Variants in OPN4 observed in about 807,000 individuals in gnomAD.
OPN4 encodes opsin 4, also known as melanopsin.
A neutral mutation model predicts 49.5 loss-of-function variants in OPN4; 43 were observed. That is an observed-to-expected ratio of 0.87 (90% CI 0.68 to 1.12). The LOEUF (loss-of-function observed/expected upper bound fraction) is 1.12. Ranked by LOEUF, OPN4 falls within the 50% of genes most tolerant of loss-of-function variation. OPN4 has a pLI of 0.00. For missense variants in OPN4, 657 were observed against 643.9 expected (o/e 1.02, Z -0.22); for synonymous variants, 263 against 258.0 (o/e 1.02, Z -0.19).
Position 86,659,509 on chromosome 10 carries a change from G to A in OPN4, c.800+41G>A, listed in dbSNP as rs36052659. On this transcript the variant is annotated intron_variant, in intron 5 of 9. Coordinates refer to ENST00000241891, the MANE Select transcript of OPN4 (RefSeq NM_033282.4). ...GGAGGGGGGCTACAGGAGGGGGACC[G>A]GCCCCTCGGCCAGGCGGCCCCTGCC... The A allele has an allele frequency of 2.7e-3, 4,324 of 1,596,322 alleles. 104 individuals are homozygous for A. The African/African-American group carries it at 0.051, about 19-fold the overall frequency.
At chr10:86,655,783 A>T (rs1349738821) in intron 1 of OPN4, among the ~76,000 whole-genome samples, 1 of 152,178 alleles carries the variant, frequency 6.6e-6, no homozygotes, top group East Asian at 1.9e-4. Context: ...CTTGGGCTGG[A>T]GTCCATACTG....
chr10:86,660,361 C>T (rs1265099448), intron 6 of OPN4, among the ~76,000 whole-genome samples: 28 of 152,208 alleles, frequency 1.8e-4, no homozygotes, highest in Admixed American at 1.8e-3. Context: ...TCCCTCTCTG[C>T]ATGGGCTGTG....
At position 86,659,468 on chromosome 10, in the gene OPN4, G is replaced by T. The variant is rs772210171; in HGVS notation, c.800G>T (p.Arg267Leu). The stretch of plus-strand genomic sequence containing the variant: ...TTCAGGGCCATCCGGGAGACAGGAC[G>T]GTAAGAGCCGAGCATGGAGGGGGGC... ...FIFRAIRETGRALQTFGACKG... is the reference protein window; with the variant it reads ...FIFRAIRETGLALQTFGACKG... The change falls in exon 5 of 10, where the codon CGG becomes CTG. Residue 267 changes from arginine to leucine, a missense_variant and splice_region_variant. Arg to Leu is a moderately radical substitution (Grantham distance 102). Transcript: ENST00000241891. 1.9e-5 allele frequency: 31 copies of T among 1,613,484 alleles called. 1 individual carries two copies. In the South Asian group the frequency reaches 2.7e-4, roughly 14 times the overall value.
Position 86,658,302 on chromosome 10 carries a change from TA to T in OPN4, c.424+139del, listed in dbSNP as rs2132301637. The T allele has an allele frequency of 3.0e-6, 4 of 1,313,696 alleles. No homozygotes were observed. The East Asian group carries it at 9.4e-5, about 31-fold the overall frequency. The allele number at this position is 1,313,696 out of a possible 1,614,324, so 81.4% of individuals were successfully genotyped here. Reference sequence around the variant, plus strand: ...GGGTAGCTGCCCTCAGTCCTGTGAGTAAGCAAGAAGGGAAGATGCAGTGTTG... The same window carrying T: ...GGGTAGCTGCCCTCAGTCCTGTGAGTAGCAAGAAGGGAAGATGCAGTGTTG... On this transcript the variant is annotated intron_variant, in intron 3 of 9. Coordinates refer to ENST00000241891, the MANE Select transcript of OPN4 (RefSeq NM_033282.4).
rs1382220358 is a variant in OPN4 at position 86,659,315 on chromosome 10, G to T, written c.647G>T (p.Gly216Val). 1 of 1,613,024 alleles carries T rather than the reference G, an allele frequency of 6.2e-7. No homozygotes were observed. Among genetic ancestry groups the T allele is most frequent in the South Asian group, 1.1e-5 (1 of 91,050 alleles). The change falls in exon 5 of 10, where the codon GGG becomes GTG. Residue 216 changes from glycine (G) to valine (V), a missense_variant. Coordinates refer to ENST00000241891, the MANE Select transcript of OPN4 (RefSeq NM_033282.4). Reference sequence around the variant, plus strand: ...CTCCCAGGCGCCTACGTGCCCGAGGGGTTGCTGACATCCTGCTCCTGGGAC... The same window carrying T: ...CTCCCAGGCGCCTACGTGCCCGAGGTGTTGCTGACATCCTGCTCCTGGGAC... ...FFGWSAYVPE[G>V]LLTSCSWDYM...
rs555263596 is a variant in OPN4 at position 86,657,132 on chromosome 10, C to T, written c.290+832C>T. On this transcript the variant is annotated intron_variant, in intron 2 of 9. Transcript: ENST00000241891. ...CACAGCCCCCTGGCTCTCCCACCTG[C>T]CAGCTGAAGGACTGGGCACGTCATT... The T allele has an allele frequency of 1.9e-4, 148 of 773,620 alleles. 1 individual carries two copies. The East Asian group carries it at 3.3e-3, about 17-fold the overall frequency. The allele number at this position is 773,620 out of a possible 1,614,324, so 47.9% of individuals were successfully genotyped here.
At chr10:86,659,122 G>A (rs1488164448) in intron 4 of OPN4, among the ~76,000 whole-genome samples, 175 bp from the exon 5 acceptor site, 1 of 152,202 alleles carries the variant, frequency 6.6e-6, no homozygotes, top group Admixed American at 6.5e-5. Context: ...GGAATGGGAG[G>A]CAGTGGGCTT....
rs143623676 is a variant in OPN4, at chr10:86,663,680, G to A, written c.1276G>A (p.Ala426Thr). 7.1e-6 allele frequency: 11 copies of A among 1,554,812 alleles called. No individual in the cohort carries two copies. The highest frequency in any genetic ancestry group is 1.9e-5 in the Admixed American group (1 of 53,842). The change falls in exon 9 of 10, where the codon GCA becomes ACA. Residue 426 changes from alanine (A) to threonine (T), a missense_variant. By Grantham distance (58) the Ala-to-Thr change is moderately conservative. Coordinates refer to ENST00000241891, the MANE Select transcript of OPN4 (RefSeq NM_033282.4). ...TCAGGGCTGGACACACATGGAGGCA[G>A]CAGCTGTGTGGGGAGCTGCCCAGCA... ...SEVGWTHMEA[A>T]AVWGAAQQAN...
intron 8 of OPN4, 61 bp from the exon 9 acceptor site, chr10:86,663,598 G>T (rs1844070340): frequency 2.1e-6 from 3 of 1,427,334 alleles, no homozygotes; most frequent in African/African-American, 2.9e-5. Context: ...GTGGGGTAAG[G>T]GCAGGAGCAA....
intron 7 of OPN4, among the ~76,000 whole-genome samples, chr10:86,661,766 TGGCAGGA>T (rs1844014213): frequency 4.4e-5 from 6 of 135,656 alleles, no homozygotes; most frequent in African/African-American, 1.7e-4. Flanking sequence ...TCCCAGGGCC[TGGCAGGA>T]GCCTGGGGTG....
At position 86,663,647 on chromosome 10, in the gene OPN4, C is replaced by G. The variant is rs2132309293; in HGVS notation, c.1255-12C>G. 1 of 1,487,068 alleles carries G rather than the reference C, an allele frequency of 6.7e-7. No individual in the cohort carries two copies. Among genetic ancestry groups the G allele is most frequent in the East Asian group, 2.4e-5 (1 of 40,976 alleles). The allele number at this position is 1,487,068 out of a possible 1,614,324, so 92.1% of individuals were successfully genotyped here. On this transcript the variant is annotated splice_polypyrimidine_tract_variant and intron_variant, in intron 8 of 9. Coordinates refer to ENST00000241891, the MANE Select transcript of OPN4 (RefSeq NM_033282.4). Reference sequence around the variant, plus strand: ...CCCTCTCACCTCACAGTCACTCTCTCACCTCCCTCAGGGCTGGACACACAT... The same window carrying G: ...CCCTCTCACCTCACAGTCACTCTCTGACCTCCCTCAGGGCTGGACACACAT...
chr10:86,665,368 G>A (rs112799245), intron 9 of OPN4, among the ~76,000 whole-genome samples: 162 of 152,264 alleles, frequency 1.1e-3, no homozygotes, highest in African/African-American at 3.8e-3. Context: ...GCAGGAAAGG[G>A]ATGACCCATT....
chr10:86,654,606 C>A lies in OPN4; in HGVS notation c.-178C>A, dbSNP rs1373446889. On this transcript the variant is annotated 5_prime_UTR_variant, in exon 1 of 10. Coordinates refer to ENST00000241891, the MANE Select transcript of OPN4 (RefSeq NM_033282.4). ...CGCTTCACCAGACACAGAGCAACCG[C>A]CAGCCCCAAGAGCAGCTCCAGGCTG... 8.8e-6 allele frequency: 7 copies of A among 797,174 alleles called. No homozygotes were observed. The African/African-American group carries it at 1.0e-4, about 12-fold the overall frequency. 49.4% of individuals were successfully genotyped at this position (797,174 alleles called of 1,614,324 possible).
chr10:86,659,979 C>A lies in OPN4; in HGVS notation c.885C>A (p.Ala295=). The change falls in exon 6 of 10, where the codon GCC becomes GCA. Residue 295 remains alanine, a synonymous_variant. Coordinates refer to ENST00000241891, the MANE Select transcript of OPN4 (RefSeq NM_033282.4). ...RQRLQSECKM[A]KIMLLVILLF... is the part of the protein sequence containing the mutation. ...GGCTGCAGAGCGAGTGCAAGATGGC[C>A]AAGATCATGCTGCTGGTCATCCTCC... 6.2e-7 allele frequency: 1 copy of A among 1,614,222 alleles called. No individual in the cohort carries two copies. The highest frequency in any genetic ancestry group is 1.1e-5 in the South Asian group (1 of 91,086).
rs763365909 is a variant in OPN4, at chr10:86,658,116, T to C, written c.375T>C (p.Pro125=). 1.2e-6 allele frequency: 2 copies of C among 1,613,992 alleles called. No individual in the cohort carries two copies. The highest frequency in any genetic ancestry group is 2.7e-5 in the African/African-American group (2 of 74,926). The part of the protein sequence containing the change: ...SDFLMSFTQA[P]VFFTSSLYKQ... ...TCCTCATGTCCTTCACCCAGGCCCC[T>C]GTCTTCTTCACCAGTAGCCTCTATA... The change falls in exon 3 of 10, where the codon CCT becomes CCC. Residue 125 remains proline (P), a synonymous_variant. Transcript: ENST00000241891.
Position 86,666,047 on chromosome 10 carries a change from T to C in OPN4, c.*296T>C. 4.3e-6 allele frequency: 2 copies of C among 461,740 alleles called. No individual in the cohort carries two copies. The highest frequency in any genetic ancestry group is 7.7e-6 in the Non-Finnish European group (2 of 258,404). The allele number at this position is 461,740 out of a possible 1,614,324, so 28.6% of individuals were successfully genotyped here. On this transcript the variant is annotated 3_prime_UTR_variant, in exon 10 of 10. Coordinates refer to ENST00000241891, the MANE Select transcript of OPN4 (RefSeq NM_033282.4). ...GAGTTGTCTGCCTCTCCTCAAATGC[T>C]GTGTGCTGCAATTGTCCAGGCGATG...
In OPN4 at chr10:86,661,261, C is replaced by A. The variant is rs1254096320; in HGVS notation, c.966-20C>A. 1.2e-6 allele frequency: 2 copies of A among 1,603,292 alleles called. No homozygotes were observed. Among genetic ancestry groups the A allele is most frequent in the South Asian group, 2.2e-5 (2 of 90,840 alleles). On this transcript the variant is annotated intron_variant, in intron 6 of 9. Coordinates refer to ENST00000241891, the MANE Select transcript of OPN4 (RefSeq NM_033282.4). ...TCAGGAGGGCCAGCTAGCTTGGGGA[C>A]CACACCTTCTCTGTCCTAGGTACGC...
At chr10:86,655,377 G>C (rs761348577) in intron 1 of OPN4, among the ~76,000 whole-genome samples, 1 of 152,166 alleles carries the variant, frequency 6.6e-6, no homozygotes, top group Non-Finnish European at 1.5e-5. Context: ...TGCTACCTGG[G>C]GAAGGCCGAG....
Position 86,656,274 on chromosome 10 carries a change from C to T in OPN4, c.264C>T (p.Asn88=). Residue 88 remains asparagine, a synonymous_variant, in exon 2 of 10, where the codon AAC becomes AAT. Coordinates refer to ENST00000241891, the MANE Select transcript of OPN4 (RefSeq NM_033282.4). ...LLVGLTGMLG[N]LTVIYTFCRS... Reference sequence around the variant, plus strand: ...TGGGACTCACGGGGATGCTGGGCAACCTGACGGTCATCTATACCTTCTGCA... The same window carrying T: ...TGGGACTCACGGGGATGCTGGGCAATCTGACGGTCATCTATACCTTCTGCA... 1.9e-6 allele frequency: 3 copies of T among 1,611,458 alleles called. No individual in the cohort carries two copies. The highest frequency in any genetic ancestry group is 3.3e-5 in the Admixed American group (2 of 59,824).
Sources: allele counts gnomAD v4.1 joint callset (sites outside exome capture counted in the v4.1 genomes callset), GRCh38; gene constraint gnomAD v4.1.1; transcripts MANE v1.5; gene names NCBI Gene and HGNC (gene_info 2026-07-23, HGNC 2026-07-21).